ZNF407: variants seen among roughly 807,000 people sequenced by gnomAD.
ZNF407 encodes zinc finger protein 407.
A neutral mutation model predicts 131.2 loss-of-function variants in ZNF407; 17 were observed. That is an observed-to-expected ratio of 0.13 (90% CI 0.09 to 0.19). The LOEUF (loss-of-function observed/expected upper bound fraction) is 0.19, where lower values mean the gene tolerates loss of function less well. Among genes scored for constraint, ZNF407 ranks in the 10% least tolerant of loss-of-function variants. The pLI is 1.00. For synonymous variants in ZNF407, 1,156 were observed against 1,062.0 expected (o/e 1.09, Z -1.72); for missense variants, 2,681 against 2,830.6 (o/e 0.95, Z 1.20).
At chr18:74,774,450 C>T (rs534140979) in intron 3 of ZNF407, among the ~76,000 whole-genome samples, 7 of 152,096 alleles carry the variant, frequency 4.6e-5, no homozygotes, top group African/African-American at 9.7e-5. Flanking sequence ...GAAGAAATTT[C>T]GAGATTACTA....
intron 3 of ZNF407, among the ~76,000 whole-genome samples, chr18:74,734,216 G>C (rs1170046613): frequency 2.0e-5 from 3 of 152,030 alleles, no homozygotes; most frequent in East Asian, 1.9e-4. Flanking sequence ...ATTGAGACTT[G>C]GTTGCTCTTT....
At position 74,898,923 on chromosome 18, in the gene ZNF407, A is replaced by G. The variant is rs1025102757; in HGVS notation, c.5249+8885A>G. Among the ~76,000 whole-genome samples, 20 of 152,210 alleles carry G rather than the reference A, an allele frequency of 1.3e-4. 1 individual carries two copies. The highest frequency in any genetic ancestry group is 4.8e-4 in the African/African-American group (20 of 41,442). ...ATTTGAATTTCATAAATTTGTTCCA[A>G]TCTAAAAACCTCAGATATCTTTGAG... On this transcript the variant is annotated intron_variant, in intron 7 of 8. Coordinates refer to ENST00000299687, the MANE Select transcript of ZNF407 (RefSeq NM_017757.3).
chr18:74,860,369 C>T (rs1055522318), intron 4 of ZNF407, among the ~76,000 whole-genome samples: 3 of 151,844 alleles, frequency 2.0e-5, no homozygotes, highest in Non-Finnish European at 4.4e-5. Context: ...ACTTTGAATG[C>T]TTTTATTTGT....
intron 7 of ZNF407, among the ~76,000 whole-genome samples, chr18:74,916,652 G>A (rs1183649330): frequency 3.8e-5 from 5 of 132,478 alleles, no homozygotes; most frequent in Non-Finnish European, 8.1e-5. Flanking sequence ...GTGTGTGTGT[G>A]CATGTGTGTG....
Position 75,063,060 on chromosome 18 carries a change from T to C in ZNF407, c.5429-90T>C. On this transcript the variant is annotated intron_variant, in intron 8 of 8. Transcript: ENST00000299687. This position sits in a 1 kb window ranked among gnomAD's most constrained non-coding sequence, Gnocchi z 6.6. Reference sequence around the variant, plus strand: ...GAATAGGGGGTCGTGGTGACTCTGCTGAGGCCTGAGCGCTTCTGCAGAAGA... The same window carrying C: ...GAATAGGGGGTCGTGGTGACTCTGCCGAGGCCTGAGCGCTTCTGCAGAAGA... The C allele has an allele frequency of 1.6e-6, 2 of 1,234,914 alleles. No individual in the cohort carries two copies. Among genetic ancestry groups the C allele is most frequent in the Non-Finnish European group, 2.3e-6 (2 of 880,462 alleles). The allele number at this position is 1,234,914 out of a possible 1,614,324, so 76.5% of individuals were successfully genotyped here.
At chr18:74,783,418 T>C (rs1266189423) in intron 4 of ZNF407, among the ~76,000 whole-genome samples, 2 of 152,174 alleles carry the variant, frequency 1.3e-5, no homozygotes, top group African/African-American at 4.8e-5. Flanking sequence ...AGTTGAAGAA[T>C]TGTTCATATT....
chr18:74,647,436 C>A (rs1223619237), intron 3 of ZNF407, among the ~76,000 whole-genome samples: 4 of 151,980 alleles, frequency 2.6e-5, no homozygotes, highest in Non-Finnish European at 5.9e-5. Flanking sequence ...AGAGCGGGAC[C>A]CCGTCTCTAA....
At chr18:74,683,136 A>C (rs561325102) in intron 3 of ZNF407, among the ~76,000 whole-genome samples, 14 of 152,294 alleles carry the variant, frequency 9.2e-5, no homozygotes, top group Non-Finnish European at 2.1e-4. Context: ...TTTTGTTCTA[A>C]TAGCATATAA....
At chr18:74,840,536 T>C (rs1970617475) in intron 4 of ZNF407, among the ~76,000 whole-genome samples, 1 of 152,144 alleles carries the variant, frequency 6.6e-6, no homozygotes, top group South Asian at 2.1e-4. Flanking sequence ...TTGCCTCTCT[T>C]ACAGATTTTA....
intron 1 of ZNF407, among the ~76,000 whole-genome samples, chr18:74,609,406 C>T (rs190853438): frequency 7.2e-4 from 110 of 152,220 alleles, no homozygotes; most frequent in African/African-American, 2.2e-3. Context: ...ACCCATATAG[C>T]ATGTTACTGT....
chr18:74,737,276 A>G (rs1268726132), intron 3 of ZNF407, among the ~76,000 whole-genome samples: 3 of 152,230 alleles, frequency 2.0e-5, no homozygotes, highest in African/African-American at 4.8e-5. Flanking sequence ...ATGCAACTCT[A>G]AAGAATGAAA....
At chr18:74,806,554 G>T (rs1247678711) in intron 4 of ZNF407, among the ~76,000 whole-genome samples, 1 of 152,156 alleles carries the variant, frequency 6.6e-6, no homozygotes, top group Non-Finnish European at 1.5e-5. Context: ...ATAAGATGTG[G>T]ACTGTTGTGA....
Position 74,804,260 on chromosome 18 carries a change from A to G in ZNF407, c.4877+22758A>G, listed in dbSNP as rs1337607882. On this transcript the variant is annotated intron_variant, in intron 4 of 8. Coordinates refer to ENST00000299687, the MANE Select transcript of ZNF407 (RefSeq NM_017757.3). Reference sequence around the variant, plus strand: ...TTCTGGAAGGAACTGTTATTTTAAAAATTGAGTACTCAGTTTTATAAAATT... The same window carrying G: ...TTCTGGAAGGAACTGTTATTTTAAAGATTGAGTACTCAGTTTTATAAAATT... The G allele has an allele frequency of 9.0e-6, 11 of 1,222,456 alleles. No individual in the cohort carries two copies. The South Asian group carries it at 3.7e-4, about 41-fold the overall frequency. 75.7% of individuals were successfully genotyped at this position (1,222,456 alleles called of 1,614,324 possible).
intron 3 of ZNF407, among the ~76,000 whole-genome samples, chr18:74,666,646 G>A (rs936452359): frequency 6.6e-6 from 1 of 152,136 alleles, no homozygotes; most frequent in Admixed American, 6.5e-5. Context: ...CTTCCTAGTG[G>A]GTTGATAATT....
intron 8 of ZNF407, among the ~76,000 whole-genome samples, chr18:74,963,076 C>T (rs921856804): frequency 2.6e-5 from 4 of 152,124 alleles, no homozygotes; most frequent in African/African-American, 4.8e-5. Context: ...CAGTTCTCCC[C>T]GGTTTCTTTG....
At position 74,998,898 on chromosome 18, in the gene ZNF407, C is replaced by T. The variant is rs867258422; in HGVS notation, c.5429-64252C>T. On this transcript the variant is annotated intron_variant, in intron 8 of 8. Transcript: ENST00000299687. ...ATGCTGCTATAAAGACACATGCACA[C>T]GTATGTTTATTGCGGCACTATTCAC... Among the ~76,000 whole-genome samples, 32 of 21,226 alleles carry T rather than the reference C, an allele frequency of 1.5e-3. 1 individual carries two copies. The highest frequency in any genetic ancestry group is 7.2e-3 in the Middle Eastern group (1 of 138). The allele number at this position is 21,226 out of a possible 152,430, so 13.9% of individuals were successfully genotyped here. A position where few individuals can be genotyped will look rare whatever the true frequency, so the allele number is the denominator to read the frequency against.
At chr18:74,985,637 C>A (rs533129669) in intron 8 of ZNF407, among the ~76,000 whole-genome samples, 1 of 152,148 alleles carries the variant, frequency 6.6e-6, no homozygotes, top group Non-Finnish European at 1.5e-5. Context: ...ATTCTGGAGG[C>A]CTTTAGAGAG....
intron 4 of ZNF407, 94 bp from the exon 5 acceptor site, chr18:74,877,103 G>T: frequency 3.7e-6 from 4 of 1,078,420 alleles, no homozygotes; most frequent in Non-Finnish European, 5.7e-6. Context: ...GGCTGCGTGT[G>T]CACCGCACCT....
intron 8 of ZNF407, among the ~76,000 whole-genome samples, chr18:74,999,350 A>T (rs1284027217): frequency 1.3e-5 from 1 of 77,328 alleles, no homozygotes; most frequent in Non-Finnish European, 2.6e-5. Flanking sequence ...GAGTATAATA[A>T]AAAAAAAAAA....
Sources: allele counts gnomAD v4.1 joint callset (sites outside exome capture counted in the v4.1 genomes callset), GRCh38; gene constraint gnomAD v4.1.1; non-coding constraint Gnocchi (gnomAD v3.1); transcripts MANE v1.5; gene names NCBI Gene and HGNC (gene_info 2026-07-23, HGNC 2026-07-21).